MARK3: variants seen among roughly 807,000 people sequenced by gnomAD.
The protein encoded by MARK3 is microtubule affinity regulating kinase 3.
In MARK3, 46 loss-of-function variants were observed where a neutral mutation model predicts 90.1. The observed-to-expected ratio is 0.51, with a 90% CI of 0.40 to 0.65. The LOEUF is 0.65. Ranked by LOEUF, MARK3 falls within the 30% of genes least tolerant of loss-of-function variation. The pLI, the probability that MARK3 is intolerant of heterozygous loss-of-function variation, is 0.00. For missense variants in MARK3, 818 were observed against 947.2 expected (o/e 0.86, Z 1.79); for synonymous variants, 321 against 332.6 (o/e 0.97, Z 0.38).
At chr14:103,419,560 G>A (rs1408473079) in intron 2 of MARK3, among the ~76,000 whole-genome samples, 1 of 152,120 alleles carries the variant, frequency 6.6e-6, no homozygotes, top group Non-Finnish European at 1.5e-5. Flanking sequence ...GAAGTTAGCT[G>A]GGTTCCTGTG....
At chr14:103,424,752 C>G (rs375442892) in intron 2 of MARK3, among the ~76,000 whole-genome samples, 19 of 152,128 alleles carry the variant, frequency 1.2e-4, no homozygotes, top group African/African-American at 4.6e-4. Flanking sequence ...CTAACGGTTT[C>G]ATTGGAATTG....
At chr14:103,397,398 C>T (rs1307558129) in intron 1 of MARK3, among the ~76,000 whole-genome samples, 2 of 149,756 alleles carry the variant, frequency 1.3e-5, no homozygotes, top group Middle Eastern at 3.5e-3. Flanking sequence ...GCGATCTCGG[C>T]TCACCGCAAC....
chr14:103,399,135 T>A (rs537886492), intron 1 of MARK3, among the ~76,000 whole-genome samples: 48 of 152,300 alleles, frequency 3.2e-4, no homozygotes, highest in African/African-American at 1.1e-3. Context: ...GTTAAAAAAA[T>A]TTTTTACGGA....
chr14:103,419,138 C>T (rs1415057552), intron 2 of MARK3, among the ~76,000 whole-genome samples: 1 of 151,884 alleles, frequency 6.6e-6, no homozygotes, highest in Middle Eastern at 3.2e-3. Flanking sequence ...AATACGAAAA[C>T]AAAATTAGCT....
chr14:103,447,969 C>T (rs1350950058), intron 3 of MARK3, among the ~76,000 whole-genome samples: 2 of 152,128 alleles, frequency 1.3e-5, no homozygotes, highest in African/African-American at 2.4e-5. Flanking sequence ...GATGGGGTTT[C>T]ACCATGTTGC....
intron 3 of MARK3, among the ~76,000 whole-genome samples, chr14:103,443,333 T>C (rs2092910282): frequency 1.3e-5 from 2 of 152,150 alleles, no homozygotes; most frequent in Admixed American, 1.3e-4. Context: ...ACTTCCAAAT[T>C]CTTTTCTCAA....
chr14:103,472,809 C>T (rs2093651848), intron 12 of MARK3, among the ~76,000 whole-genome samples: 2 of 151,982 alleles, frequency 1.3e-5, no homozygotes, highest in Admixed American at 1.3e-4. Context: ...AGATCGAGAC[C>T]ATCTGGCCAA....
At chr14:103,493,084 C>T (rs1375086637) in intron 15 of MARK3, among the ~76,000 whole-genome samples, 3 of 152,098 alleles carry the variant, frequency 2.0e-5, no homozygotes, top group African/African-American at 7.2e-5. Context: ...TTTCTGCATT[C>T]CCTATGGCCT....
intron 14 of MARK3, among the ~76,000 whole-genome samples, chr14:103,489,228 A>G (rs1309468208): frequency 6.6e-6 from 1 of 152,254 alleles, no homozygotes; most frequent in Non-Finnish European, 1.5e-5. Context: ...CCAAGAGAAT[A>G]ACTCCTGCAA....
At chr14:103,487,529 CT>C (rs1646408685) in intron 14 of MARK3, among the ~76,000 whole-genome samples, 1 of 151,898 alleles carries the variant, frequency 6.6e-6, no homozygotes, top group African/African-American at 2.4e-5. Flanking sequence ...GACTAAAAGC[CT>C]TTTCCTTCTC....
At chr14:103,436,811 T>G (rs2092726801) in intron 3 of MARK3, among the ~76,000 whole-genome samples, 1 of 151,974 alleles carries the variant, frequency 6.6e-6, no homozygotes, top group Non-Finnish European at 1.5e-5. Context: ...GAGAATAGAC[T>G]GGGCACGGTG....
chr14:103,437,738 A>G (rs1446047040), intron 3 of MARK3, among the ~76,000 whole-genome samples: 1 of 152,216 alleles, frequency 6.6e-6, no homozygotes, highest in African/African-American at 2.4e-5. Flanking sequence ...CCTTTGTGAG[A>G]GAATTATAAC....
chr14:103,486,994 T>C (rs2093941633), intron 14 of MARK3, among the ~76,000 whole-genome samples: 1 of 151,942 alleles, frequency 6.6e-6, no homozygotes, highest in Non-Finnish European at 1.5e-5. Flanking sequence ...CTCAGCTCAC[T>C]GCAGCTACCA....
intron 2 of MARK3, among the ~76,000 whole-genome samples, chr14:103,410,149 G>T (rs905783825): frequency 6.6e-6 from 1 of 152,192 alleles, no homozygotes; most frequent in Non-Finnish European, 1.5e-5. Context: ...CAATACCAGG[G>T]ACTAGGTAAT....
chr14:103,449,020 T>C lies in MARK3; in HGVS notation c.346+53T>C, dbSNP rs911436072. ...GGGTCTAAATACGTACTTGAAATTA[T>C]GTCATAAAGCTAAACACGTATTCTA... On this transcript the variant is annotated intron_variant, in intron 4 of 17. Transcript: ENST00000429436. 16 of 1,501,928 alleles carry C rather than the reference T, an allele frequency of 1.1e-5. No individual in the cohort carries two copies. In the South Asian group the frequency reaches 1.8e-4, roughly 17 times the overall value. 93.0% of individuals were successfully genotyped at this position (1,501,928 alleles called of 1,614,324 possible). A position where few individuals can be genotyped will look rare whatever the true frequency, so the allele number is the denominator to read the frequency against.
intron 3 of MARK3, among the ~76,000 whole-genome samples, chr14:103,443,911 C>T (rs1289453865): frequency 6.6e-6 from 1 of 152,054 alleles, no homozygotes; most frequent in Admixed American, 6.6e-5. Context: ...GGGACAGTTT[C>T]TGTAGAGTGA....
intron 1 of MARK3, among the ~76,000 whole-genome samples, chr14:103,394,101 TC>T (rs1348029481): frequency 6.6e-6 from 1 of 152,170 alleles, no homozygotes; most frequent in Non-Finnish European, 1.5e-5. Context: ...TGGAACAAAT[TC>T]CTAGTAAGAG....
At chr14:103,400,296 TTAAC>T (rs1246658551) in intron 1 of MARK3, among the ~76,000 whole-genome samples, 1 of 152,124 alleles carries the variant, frequency 6.6e-6, no homozygotes, top group East Asian at 1.9e-4. Context: ...CTAGTAGACT[TTAAC>T]TAATGAGAAC....
At chr14:103,466,574 G>T in intron 10 of MARK3, 132 bp downstream of exon 10, 1 of 593,622 alleles carries the variant, frequency 1.7e-6, no homozygotes, top group South Asian at 2.7e-5. Flanking sequence ...TATCTGTTCT[G>T]TCATATTTAG....
Sources: allele counts gnomAD v4.1 joint callset (sites outside exome capture counted in the v4.1 genomes callset), GRCh38; gene constraint gnomAD v4.1.1; transcripts MANE v1.5; gene names NCBI Gene and HGNC (gene_info 2026-07-23, HGNC 2026-07-21).